The following MDGA2 variants were observed in gnomAD, a reference collection of about 807,000 sequenced individuals.
MDGA2 encodes MAM domain containing glycosylphosphatidylinositol anchor 2, also known as MAM domain-containing glycosylphosphatidylinositol anchor protein 2.
A neutral mutation model predicts 117.8 loss-of-function variants in MDGA2; 40 were observed. The observed-to-expected ratio is 0.34, with a 90% CI of 0.26 to 0.44. MDGA2 has a LOEUF of 0.44. Ranked by LOEUF, MDGA2 falls within the 20% of genes least tolerant of loss-of-function variation. The probability of loss-of-function intolerance (pLI) is 1.00; values close to 1 mark genes in which losing one functional copy is unlikely to be tolerated. For missense variants in MDGA2, 1,123 were observed against 1,250.6 expected, an observed-to-expected ratio of 0.90 and a Z score of 1.54; for synonymous variants, 452 against 439.0, an observed-to-expected ratio of 1.03 and a Z score of -0.37.
chr14:47,067,127 C>T (rs542333857), intron 6 of MDGA2, among the ~76,000 whole-genome samples: 1 of 152,216 alleles, frequency 6.6e-6, no homozygotes, highest in East Asian at 1.9e-4. Flanking sequence ...AACAAAGAAA[C>T]AAACAACCAA....
intron 14 of MDGA2, among the ~76,000 whole-genome samples, chr14:46,867,081 A>T (rs1460970909): frequency 1.3e-5 from 2 of 152,170 alleles, no homozygotes. Context: ...TGCTATAAAG[A>T]CGCATGCACA....
intron 5 of MDGA2, among the ~76,000 whole-genome samples, chr14:47,129,125 AG>A (rs1882059155): frequency 6.6e-6 from 1 of 151,064 alleles, no homozygotes; most frequent in Non-Finnish European, 1.5e-5. Flanking sequence ...TTTAAGTTTT[AG>A]GGTACATGTG....
intron 9 of MDGA2, among the ~76,000 whole-genome samples, chr14:46,928,749 A>G (rs1225105856): frequency 6.6e-6 from 1 of 152,116 alleles, no homozygotes; most frequent in Non-Finnish European, 1.5e-5. Context: ...AATCATGACT[A>G]TCCTTCCTTC....
At chr14:47,318,270 A>T (rs1277546013) in intron 1 of MDGA2, among the ~76,000 whole-genome samples, 1 of 150,506 alleles carries the variant, frequency 6.6e-6, no homozygotes, top group East Asian at 1.9e-4. Context: ...AACGCTGGAA[A>T]TTCTTCTTCT....
chr14:47,487,958 T>C (rs1894094273), intron 1 of MDGA2, among the ~76,000 whole-genome samples: 1 of 152,126 alleles, frequency 6.6e-6, no homozygotes, highest in African/African-American at 2.4e-5. Context: ...TATGAAGCAT[T>C]GCAGCAGTAG....
intron 3 of MDGA2, among the ~76,000 whole-genome samples, chr14:47,155,164 T>G (rs930401428): frequency 2.6e-5 from 4 of 152,132 alleles, no homozygotes; most frequent in African/African-American, 9.7e-5. Flanking sequence ...GGTACCCACT[T>G]CAGGTCTCCT....
At chr14:47,631,634 C>T (rs1897250014) in intron 1 of MDGA2, among the ~76,000 whole-genome samples, 1 of 152,106 alleles carries the variant, frequency 6.6e-6, no homozygotes, top group Non-Finnish European at 1.5e-5. Flanking sequence ...TACTTTTCAC[C>T]CAATATCTCT....
In MDGA2 at chr14:47,202,106, C is replaced by T. The variant is rs578151656; in HGVS notation, c.595+15915G>A. On this transcript the variant is annotated intron_variant, in intron 3 of 16. Coordinates refer to ENST00000399232, the MANE Select transcript of MDGA2 (RefSeq NM_001113498.3). ...CTCTTACTCTTTTTCTTCTTAGCAT[C>T]CTTTATTGAGTTCTTACCATGTCAT... is the stretch of plus-strand genomic sequence containing the variant. Among the ~76,000 whole-genome samples the T allele has an allele frequency of 2.6e-5, 4 of 152,246 alleles. No individual in the cohort carries two copies. The South Asian group carries it at 6.2e-4, about 24-fold the overall frequency.
In MDGA2 at chr14:47,072,588, G is replaced by GTCCAA. The variant is rs1441345441; in HGVS notation, c.1196-11015_1196-11011dup. Among the ~76,000 whole-genome samples the GTCCAA allele has an allele frequency of 3.9e-5, 6 of 152,230 alleles. No individual in the cohort carries two copies. In the East Asian group the frequency reaches 1.2e-3, roughly 29 times the overall value. On this transcript the variant is annotated intron_variant, in intron 6 of 16. Transcript: ENST00000399232. ...ATTGGTTCTCCAAGTATGAACCCTA[G>GTCCAA]TCCAATATCAGCAGCATCACCTGAG...
At chr14:47,550,735 T>C (rs1205692368) in intron 1 of MDGA2, among the ~76,000 whole-genome samples, 1 of 152,218 alleles carries the variant, frequency 6.6e-6, no homozygotes, top group Non-Finnish European at 1.5e-5. Flanking sequence ...CTGCATTTAA[T>C]AATAAAGCAG....
At chr14:47,149,638 T>TTTCA (rs543707813) in intron 3 of MDGA2, among the ~76,000 whole-genome samples, 63 of 152,326 alleles carry the variant, frequency 4.1e-4, no homozygotes, top group African/African-American at 1.5e-3. Flanking sequence ...TTGGTCCTTT[T>TTTCA]TTCATTGTCT....
At chr14:47,069,324 C>T (rs2138829136) in intron 6 of MDGA2, among the ~76,000 whole-genome samples, 1 of 152,294 alleles carries the variant, frequency 6.6e-6, no homozygotes, top group South Asian at 2.1e-4. Flanking sequence ...GCTCTTCTTT[C>T]TTGAACATCT....
At chr14:46,936,920 C>T (rs1436051901) in intron 9 of MDGA2, among the ~76,000 whole-genome samples, 14 of 151,798 alleles carry the variant, frequency 9.2e-5, no homozygotes, top group Admixed American at 1.3e-4. Flanking sequence ...TCTTATTCAA[C>T]GCAGTACTAG....
rs952304457 is a variant in MDGA2, at chr14:47,221,362, CA to C, written c.421-3168del. ...AGCATAAATGTCAATTAAAGTATCA[CA>C]AAAAAATCAGTTTCATTAATGGAAG... On this transcript the variant is annotated intron_variant, in intron 2 of 16. Coordinates refer to ENST00000399232, the MANE Select transcript of MDGA2 (RefSeq NM_001113498.3). 5.9e-4 allele frequency among the ~76,000 whole-genome samples: 90 copies of C among 152,028 alleles called. 1 individual carries two copies. Among genetic ancestry groups the C allele is most frequent in the East Asian group, 3.9e-4 (2 of 5,170 alleles).
chr14:47,120,572 A>G (rs1333914499), intron 5 of MDGA2, among the ~76,000 whole-genome samples: 1 of 152,212 alleles, frequency 6.6e-6, no homozygotes, highest in South Asian at 2.1e-4. Flanking sequence ...CAAGAAAAAA[A>G]TAAATATAAA....
chr14:46,943,783 G>C (rs187725392), intron 9 of MDGA2, among the ~76,000 whole-genome samples: 17 of 152,108 alleles, frequency 1.1e-4, no homozygotes, highest in African/African-American at 3.6e-4. Context: ...AGATTGATTG[G>C]CAGACTTATT....
At chr14:47,662,027 G>A (rs1486359167) in intron 1 of MDGA2, among the ~76,000 whole-genome samples, 6 of 151,990 alleles carry the variant, frequency 3.9e-5, no homozygotes, top group Non-Finnish European at 8.8e-5. Flanking sequence ...GTGAGCCACC[G>A]CACCCAGCCA....
intron 1 of MDGA2, among the ~76,000 whole-genome samples, chr14:47,461,032 GT>G (rs910543353): frequency 6.6e-6 from 1 of 152,012 alleles, no homozygotes; most frequent in East Asian, 1.9e-4. Context: ...TTCAAATATT[GT>G]TTTTTGAAAT....
intron 3 of MDGA2, among the ~76,000 whole-genome samples, chr14:47,147,896 T>C (rs1168966870): frequency 6.6e-6 from 1 of 152,210 alleles, no homozygotes; most frequent in East Asian, 1.9e-4. Context: ...GTAGCTTACC[T>C]AGTTGCATTA....
Sources: gnomAD v4.1 joint callset for allele counts (sites outside exome capture counted in the v4.1 genomes callset) on GRCh38, gnomAD v4.1.1 for gene constraint, MANE v1.5 for transcripts, NCBI Gene and HGNC (gene_info 2026-07-23, HGNC 2026-07-21) for gene names.